The following CPLX1 variants were observed in gnomAD, a reference collection of about 807,000 sequenced individuals.
CPLX1 encodes the protein complexin 1.
CPLX1 carries 6 observed loss-of-function variants against 15.6 expected under a neutral mutation model. The observed-to-expected ratio is 0.39, with a 90% CI of 0.21 to 0.76. The LOEUF (loss-of-function observed/expected upper bound fraction) is 0.76, where lower values mean the gene tolerates loss of function less well. Ranked by LOEUF, CPLX1 falls within the 30% of genes least tolerant of loss-of-function variation. CPLX1 has a pLI of 0.43. For synonymous variants in CPLX1, 91 were observed against 75.2 expected (o/e 1.21, Z -1.08); for missense variants, 242 against 188.6 (o/e 1.28, Z -1.66).
At chr4:802,988 TA>T (rs1746486320) in intron 2 of CPLX1, among the ~76,000 whole-genome samples, 1 of 150,934 alleles carries the variant, frequency 6.6e-6, no homozygotes, top group Admixed American at 6.6e-5. Context: ...GCATGAAAGA[TA>T]AACACTAGGC....
intron 2 of CPLX1, among the ~76,000 whole-genome samples, chr4:822,882 C>T (rs1441959184): frequency 6.6e-6 from 1 of 152,102 alleles, no homozygotes; most frequent in African/African-American, 2.4e-5. Flanking sequence ...TCAACGTGCT[C>T]TGCAAAGCCA....
chr4:823,629 G>A (rs1208887368), intron 2 of CPLX1, among the ~76,000 whole-genome samples: 2 of 152,234 alleles, frequency 1.3e-5, no homozygotes, highest in African/African-American at 4.8e-5. Flanking sequence ...ACACAGGATG[G>A]ACGGCTCTGG....
At chr4:810,358 C>T (rs574046911) in intron 2 of CPLX1, among the ~76,000 whole-genome samples, 25 of 152,166 alleles carry the variant, frequency 1.6e-4, no homozygotes, top group African/African-American at 4.3e-4. Flanking sequence ...CTTGGGTCTG[C>T]GCTTTCATTT....
chr4:791,474 T>C lies in CPLX1; in HGVS notation c.207+959A>G, dbSNP rs564240883. On this transcript the variant is annotated intron_variant, in intron 3 of 3. Transcript: ENST00000304062. ...CCGCCCCTGCCCTCCCAGCTCCACC[T>C]CTGTCCACTTCAGGAGCTCCAGCTT... Among the ~76,000 whole-genome samples, 91 of 152,106 alleles carry C rather than the reference T, an allele frequency of 6.0e-4. 1 individual carries two copies. The highest frequency in any genetic ancestry group is 1.8e-3 in the African/African-American group (73 of 41,502).
intron 2 of CPLX1, among the ~76,000 whole-genome samples, chr4:811,665 T>C (rs1014057596): frequency 2.6e-5 from 4 of 152,216 alleles, no homozygotes; most frequent in African/African-American, 9.6e-5. Context: ...AAATGCTCCA[T>C]GTGTGCCTGA....
intron 3 of CPLX1, chr4:787,988 C>T (rs956966130): frequency 1.4e-5 from 14 of 985,284 alleles, no homozygotes; most frequent in Non-Finnish European, 1.7e-5. Flanking sequence ...TCTGAGATTA[C>T]AGGTGCTCTG....
intron 3 of CPLX1, among the ~76,000 whole-genome samples, chr4:790,420 G>A (rs1746135372): frequency 6.6e-6 from 1 of 152,166 alleles, no homozygotes; most frequent in Admixed American, 6.5e-5. Context: ...GGCCCCACAT[G>A]GAAGCTGAGG....
chr4:808,836 A>G (rs1746604581), intron 2 of CPLX1, among the ~76,000 whole-genome samples: 1 of 152,282 alleles, frequency 6.6e-6, no homozygotes, highest in African/African-American at 2.4e-5. Context: ...GATGTCTAAG[A>G]ATTCACAGAT....
At chr4:804,912 A>G in intron 2 of CPLX1, 3 of 985,468 alleles carry the variant, frequency 3.0e-6, no homozygotes, top group South Asian at 4.7e-5. Flanking sequence ...CCATTTTGGA[A>G]CGCAGTGCGT....
intron 2 of CPLX1, among the ~76,000 whole-genome samples, chr4:795,226 G>A (rs1746296720): frequency 1.3e-5 from 2 of 152,268 alleles, no homozygotes; most frequent in African/African-American, 4.8e-5. Flanking sequence ...AGAAACTGCG[G>A]GAAGCTTGTT....
chr4:816,597 C>T (rs1388034677), intron 2 of CPLX1, among the ~76,000 whole-genome samples: 2 of 152,044 alleles, frequency 1.3e-5, no homozygotes, highest in South Asian at 2.1e-4. Context: ...TCTCATATCA[C>T]TTCTTTATAC....
chr4:821,569 G>A (rs909728904), intron 2 of CPLX1, among the ~76,000 whole-genome samples: 4 of 152,196 alleles, frequency 2.6e-5, no homozygotes, highest in Admixed American at 6.5e-5. Context: ...CACGTGCCAC[G>A]TTCCTCCACG....
chr4:821,802 C>A (rs1000905933), intron 2 of CPLX1, among the ~76,000 whole-genome samples: 2 of 152,198 alleles, frequency 1.3e-5, no homozygotes, highest in African/African-American at 2.4e-5. Context: ...CCAACAGGGG[C>A]CCCTCCTTGA....
At chr4:807,052 T>C (rs937349330) in intron 2 of CPLX1, among the ~76,000 whole-genome samples, 1 of 152,186 alleles carries the variant, frequency 6.6e-6, no homozygotes, top group Non-Finnish European at 1.5e-5. Flanking sequence ...TTATTCACAA[T>C]AGCAAAGATA....
At chr4:804,840 G>C (rs1374846024) in intron 2 of CPLX1, 2 of 983,036 alleles carry the variant, frequency 2.0e-6, no homozygotes, top group South Asian at 4.7e-5. Flanking sequence ...CGTGGGGAGC[G>C]ACGTGCTCAG....
chr4:804,874 G>A (rs978197152), intron 2 of CPLX1: 3 of 985,164 alleles, frequency 3.0e-6, no homozygotes, highest in African/African-American at 1.7e-5. Context: ...GGTGGGCGGC[G>A]GCAGCCATTT....
At chr4:794,838 CCCCTT>C (rs1366867620) in intron 2 of CPLX1, among the ~76,000 whole-genome samples, 4 of 152,204 alleles carry the variant, frequency 2.6e-5, no homozygotes, top group African/African-American at 9.6e-5. Context: ...CAGTGGGCTG[CCCCTT>C]CCCTCCCCTC....
intron 3 of CPLX1, among the ~76,000 whole-genome samples, chr4:789,871 G>A (rs891782987): frequency 6.6e-6 from 1 of 152,186 alleles, no homozygotes; most frequent in Non-Finnish European, 1.5e-5. Flanking sequence ...GAGGCTGGAG[G>A]CAGCAGGTGT....
At chr4:809,437 G>C (rs961794402) in intron 2 of CPLX1, among the ~76,000 whole-genome samples, 8 of 150,506 alleles carry the variant, frequency 5.3e-5, no homozygotes, top group Non-Finnish European at 1.0e-4. Flanking sequence ...GCCCTGCCTC[G>C]TGCCCTCAAG....
Sources: gnomAD v4.1 joint callset for allele counts (sites outside exome capture counted in the v4.1 genomes callset) on GRCh38, gnomAD v4.1.1 for gene constraint, MANE v1.5 for transcripts, NCBI Gene and HGNC (gene_info 2026-07-23, HGNC 2026-07-21) for gene names.